Variants in CD99 observed in about 807,000 individuals in gnomAD.
The protein encoded by CD99 is CD99 antigen.
Under a neutral mutation model 28.4 loss-of-function variants are expected in CD99, and 19 were observed. The observed-to-expected ratio is 0.67, with a 90% confidence interval of 0.47 to 0.98. The LOEUF is 0.98. Among genes scored for constraint, CD99 ranks in the 50% least tolerant of loss-of-function variants. CD99 has a pLI of 0.00. For missense variants in CD99, 283 were observed against 248.8 expected, an observed-to-expected ratio of 1.14 and a Z score of -0.92; for synonymous variants, 103 against 92.1, an observed-to-expected ratio of 1.12 and a Z score of -0.67.
At chrX:2,715,844 A>C (rs2048681211) in intron 2 of CD99, among the ~76,000 whole-genome samples, 2 of 152,106 alleles carry the variant, frequency 1.3e-5, no homozygotes, top group African/African-American at 4.8e-5. Flanking sequence ...CCATGTATCT[A>C]AATTTCCTTC....
chrX:2,700,927 A>G (rs2047829047), intron 1 of CD99, among the ~76,000 whole-genome samples: 1 of 132,852 alleles, frequency 7.5e-6, no homozygotes, highest in African/African-American at 2.9e-5. Context: ...CCAACCATCC[A>G]TCCACCCAAC....
intron 3 of CD99, 46 bp from the exon 4 acceptor site, chrX:2,719,615 G>A (rs373831865): frequency 5.4e-5 from 83 of 1,551,364 alleles, no homozygotes; most frequent in South Asian, 1.4e-4. Flanking sequence ...TTCCTTCCTC[G>A]TTTCTCTCTG....
chrX:2,696,215 A>T (rs1212819934), intron 1 of CD99, among the ~76,000 whole-genome samples: 1 of 152,172 alleles, frequency 6.6e-6, no homozygotes, highest in Non-Finnish European at 1.5e-5. Flanking sequence ...AAGCTTGTTC[A>T]TTCTGAGTCC....
intron 8 of CD99, among the ~76,000 whole-genome samples, chrX:2,735,930 C>T (rs186966355): frequency 0.01 from 1,551 of 151,950 alleles, 70 homozygotes; most frequent in Admixed American, 0.081. Flanking sequence ...TGGCTTGGCA[C>T]GGTGGTTCAC....
At position 2,717,633 on chromosome X, in the gene CD99, C is replaced by A; in HGVS notation, c.129C>A (p.Ile43=). ...PDNENKKPTA[I]PKKPSAGDDF... ...ATGAAAACAAGAAACCCACTGCAAT[C>A]CCCAAGAAACCCAGTGCTGGTGAGA... The change falls in exon 3 of 10, where the codon ATC becomes ATA. Residue 43 remains isoleucine, a synonymous_variant. Transcript: ENST00000381192. 6.2e-7 allele frequency: 1 copy of A among 1,613,644 alleles called. No individual in the cohort carries two copies. Among genetic ancestry groups the A allele is most frequent in the Non-Finnish European group, 8.5e-7 (1 of 1,179,570 alleles).
intron 1 of CD99, among the ~76,000 whole-genome samples, chrX:2,711,101 G>A (rs2048380443): frequency 6.7e-6 from 1 of 150,364 alleles, no homozygotes; most frequent in African/African-American, 2.4e-5. Context: ...TCGAACTCCT[G>A]ACCTCGTGAT....
At chrX:2,703,927 G>A (rs1293363121) in intron 1 of CD99, among the ~76,000 whole-genome samples, 1 of 152,032 alleles carries the variant, frequency 6.6e-6, no homozygotes, top group African/African-American at 2.4e-5. Flanking sequence ...GGGGTGACAG[G>A]GACGGAGAGC....
chrX:2,691,640 G>C, intron 1 of CD99: 1 of 712,646 alleles, frequency 1.4e-6, no homozygotes, highest in South Asian at 1.5e-5. Context: ...AGAGAGAAAA[G>C]TCAGCGTTTG....
chrX:2,697,531 A>G (rs2047633448), intron 1 of CD99, among the ~76,000 whole-genome samples: 1 of 152,048 alleles, frequency 6.6e-6, no homozygotes, highest in Non-Finnish European at 1.5e-5. Flanking sequence ...CTGCAAAATT[A>G]TTGTCCAAAT....
chrX:2,716,017 T>C (rs965583379), intron 2 of CD99, among the ~76,000 whole-genome samples: 5 of 120,646 alleles, frequency 4.1e-5, no homozygotes, highest in Non-Finnish European at 6.3e-5. Context: ...GCCCTCTTCA[T>C]TTTTTTTTTT....
At chrX:2,692,322 G>T in intron 1 of CD99, 1 of 225,938 alleles carries the variant, frequency 4.4e-6, no homozygotes, top group Non-Finnish European at 8.8e-6. Flanking sequence ...ACCGGCTTGC[G>T]GGCAGTGTGG....
chrX:2,713,000 ACACC>A (rs2048497362), intron 1 of CD99, among the ~76,000 whole-genome samples: 1 of 151,628 alleles, frequency 6.6e-6, no homozygotes, highest in Non-Finnish European at 1.5e-5. Context: ...ACAAATGCAC[ACACC>A]CACACAGGCA....
intron 2 of CD99, among the ~76,000 whole-genome samples, chrX:2,716,166 G>GCC (rs1379501894): frequency 6.6e-6 from 1 of 151,916 alleles, no homozygotes; most frequent in East Asian, 1.9e-4. Context: ...TTACAGGCAT[G>GCC]CACCACCATG....
intron 3 of CD99, among the ~76,000 whole-genome samples, chrX:2,718,500 C>T (rs191064726): frequency 1.6e-4 from 24 of 152,222 alleles, no homozygotes; most frequent in Non-Finnish European, 2.2e-4. Context: ...TCCCAAGTAG[C>T]TGGGACTACA....
intron 8 of CD99, 200 bp downstream of exon 8, chrX:2,726,573 A>AT: frequency 1.5e-6 from 1 of 677,048 alleles, no homozygotes; most frequent in Non-Finnish European, 2.7e-6. Flanking sequence ...TTGTTGTGTG[A>AT]AAGTTTACAA....
intron 9 of CD99, 154 bp downstream of exon 9, chrX:2,738,410 A>G (rs913991442): frequency 4.5e-5 from 9 of 201,288 alleles, no homozygotes; most frequent in Non-Finnish European, 8.0e-5. Flanking sequence ...TTGGAGGGAT[A>G]CTTTCAAAAG....
intron 1 of CD99, among the ~76,000 whole-genome samples, chrX:2,713,866 A>G (rs1363324470): frequency 2.6e-5 from 4 of 152,224 alleles, no homozygotes; most frequent in African/African-American, 9.6e-5. Context: ...ATGGCCAGCC[A>G]CGTTGAAGTA....
In CD99 at chrX:2,738,268, G is replaced by A. The variant is rs774199497; in HGVS notation, c.532+12G>A. 3.0e-5 allele frequency: 48 copies of A among 1,613,348 alleles called. No homozygotes were observed. Among genetic ancestry groups the A allele is most frequent in the Non-Finnish European group, 3.9e-5 (46 of 1,179,514 alleles). On this transcript the variant is annotated intron_variant, in intron 9 of 9. Transcript: ENST00000381192. ...CGCAGAGCCAGCTGGTAAGAAGGACGGGGAACGATGGCTTGCACACGTGGC... is the reference window on the plus strand; with the variant it reads ...CGCAGAGCCAGCTGGTAAGAAGGACAGGGAACGATGGCTTGCACACGTGGC...
intron 8 of CD99, among the ~76,000 whole-genome samples, chrX:2,732,809 T>TCCATCCC (rs2049720380): frequency 1.3e-5 from 2 of 149,020 alleles, no homozygotes; most frequent in African/African-American, 5.0e-5. Context: ...TTCCTTTCTT[T>TCCATCCC]TTTTCCTCTC....
Sources: gnomAD v4.1 joint callset for allele counts (sites outside exome capture counted in the v4.1 genomes callset) on GRCh38, gnomAD v4.1.1 for gene constraint, MANE v1.5 for transcripts, NCBI Gene and HGNC (gene_info 2026-07-23, HGNC 2026-07-21) for gene names.